Variants in EML6 observed in about 807,000 individuals in gnomAD.
EML6 encodes EMAP like 6, also known as echinoderm microtubule-associated protein-like 6.
In EML6, 154 loss-of-function variants were observed where a neutral mutation model predicts 240.1. The observed-to-expected ratio is 0.64, with a 90% CI of 0.56 to 0.73. The LOEUF (loss-of-function observed/expected upper bound fraction) is 0.73. Among genes scored for constraint, EML6 ranks in the 30% least tolerant of loss-of-function variants. The pLI is 0.00. For missense variants in EML6, 2,964 were observed against 2,474.6 expected, an observed-to-expected ratio of 1.20 and a Z score of -4.20; for synonymous variants, 1,148 against 899.0, an observed-to-expected ratio of 1.28 and a Z score of -4.95.
intron 21 of EML6, among the ~76,000 whole-genome samples, chr2:54,898,054 T>TG (rs1239014525): frequency 1.3e-5 from 2 of 151,972 alleles, no homozygotes; most frequent in Non-Finnish European, 2.9e-5. Context: ...AAAATAAGGT[T>TG]GGGGGAGGGG....
Position 54,948,873 on chromosome 2 carries a change from C to T in EML6, c.4005-9C>T, listed in dbSNP as rs1162931818. 8 of 1,550,428 alleles carry T rather than the reference C, an allele frequency of 5.2e-6. No individual in the cohort carries two copies. Among genetic ancestry groups the T allele is most frequent in the Middle Eastern group, 1.7e-4 (1 of 5,990 alleles). ...ATGCTGTGCTTCCTCTGGCCGCTCT[C>T]TCTTCCAGACCACCCGTTAGCCGAG... On this transcript the variant is annotated splice_polypyrimidine_tract_variant and intron_variant, in intron 28 of 41. Transcript: ENST00000356458.
chr2:54,836,444 C>G (rs763575824), intron 7 of EML6, among the ~76,000 whole-genome samples: 2 of 152,166 alleles, frequency 1.3e-5, no homozygotes, highest in Non-Finnish European at 2.9e-5. Flanking sequence ...AGAAATCTTT[C>G]CTATGAATTC....
intron 2 of EML6, among the ~76,000 whole-genome samples, chr2:54,808,610 G>C (rs1670622127): frequency 6.6e-6 from 1 of 152,090 alleles, no homozygotes. Flanking sequence ...ATGAAATGAG[G>C]CTTAAGAATT....
At chr2:54,908,390 T>G (rs969650880) in intron 24 of EML6, among the ~76,000 whole-genome samples, 1 of 152,058 alleles carries the variant, frequency 6.6e-6, no homozygotes, top group Non-Finnish European at 1.5e-5. Context: ...TTTTTCTGTA[T>G]TTTTAGTAGA....
intron 2 of EML6, among the ~76,000 whole-genome samples, chr2:54,812,844 A>G (rs1391471101): frequency 6.6e-6 from 1 of 152,204 alleles, no homozygotes. Context: ...ACCTTCCCCT[A>G]GTAACAACAT....
intron 2 of EML6, among the ~76,000 whole-genome samples, chr2:54,728,953 CTCTG>C (rs1273646279): frequency 1.3e-5 from 2 of 152,186 alleles, no homozygotes; most frequent in East Asian, 1.9e-4. Context: ...GCTGGCCCTT[CTCTG>C]TCTGTCCAGC....
chr2:54,965,286 C>G (rs1676698545), intron 38 of EML6, among the ~76,000 whole-genome samples: 1 of 152,116 alleles, frequency 6.6e-6, no homozygotes, highest in South Asian at 2.1e-4. Flanking sequence ...TGTGAGCTGG[C>G]CTGGAGCTGG....
intron 11 of EML6, among the ~76,000 whole-genome samples, chr2:54,854,482 C>T (rs1294190086): frequency 2.0e-5 from 3 of 152,230 alleles, no homozygotes; most frequent in African/African-American, 7.2e-5. Flanking sequence ...GTAATGACCT[C>T]TTCTTCCTTT....
chr2:54,787,002 G>A (rs1158071836), intron 2 of EML6, among the ~76,000 whole-genome samples: 1 of 152,178 alleles, frequency 6.6e-6, no homozygotes, highest in Non-Finnish European at 1.5e-5. Flanking sequence ...GGGAAGAGTG[G>A]GGCAGGGAGA....
intron 5 of EML6, among the ~76,000 whole-genome samples, chr2:54,823,411 T>C (rs143294225): frequency 4.6e-5 from 7 of 152,110 alleles, no homozygotes; most frequent in Admixed American, 1.3e-4. Context: ...GCTCATGATA[T>C]GTTCCAAGAT....
chr2:54,948,970 A>G lies in EML6; in HGVS notation c.4083+10A>G. 1 of 1,538,362 alleles carries G rather than the reference A, an allele frequency of 6.5e-7. No individual in the cohort carries two copies. ...AAAGAAACTGGTTGAGGTGAGTTAA[A>G]CAATCACTTGTAGTCTGATATTGAC... On this transcript the variant is annotated intron_variant, in intron 29 of 41. Transcript: ENST00000356458.
intron 24 of EML6, 65 bp downstream of exon 24, chr2:54,903,567 T>C: frequency 7.0e-7 from 1 of 1,429,342 alleles, no homozygotes; most frequent in Non-Finnish European, 9.4e-7. Flanking sequence ...TTATGCATTG[T>C]TTCTAGAGAG....
chr2:54,843,988 G>A lies in EML6; in HGVS notation c.848-59G>A, dbSNP rs573833030. ...TTTGTGTGTGTGTGTGTGTGTGTGT[G>A]TGTGTGTGTGTGTGTGAATAGTGTG... is the stretch of plus-strand genomic sequence containing the variant. On this transcript the variant is annotated intron_variant, in intron 7 of 41. Coordinates refer to ENST00000356458, the MANE Select transcript of EML6 (RefSeq NM_001039753.4). The A allele has an allele frequency of 2.9e-6, 3 of 1,049,172 alleles. No homozygotes were observed. In the Middle Eastern group the frequency reaches 6.1e-4, roughly 215 times the overall value. The allele number at this position is 1,049,172 out of a possible 1,614,324, so 65.0% of individuals were successfully genotyped here.
At chr2:54,763,392 A>T (rs72806702) in intron 2 of EML6, among the ~76,000 whole-genome samples, 31,497 of 152,140 alleles carry the variant, frequency 0.21, 3,656 homozygotes, top group Middle Eastern at 0.31. Context: ...TTCTCCCTCT[A>T]TTCTTGTTGA....
In EML6 at chr2:54,844,130, C is replaced by G; in HGVS notation, c.931C>G (p.Arg311Gly). The change falls in exon 8 of 42, where the codon CGA becomes GGA. Residue 311 changes from arginine (R) to glycine (G), a missense_variant. Physicochemically the swap from Arg to Gly is moderately radical, Grantham distance 125. Transcript: ENST00000356458. ...CAGTGAGATATTTGAAGTGATTGTGCGAGAGCGAGACAAGCCGATGTTGAT... is the reference window on the plus strand; with the variant it reads ...CAGTGAGATATTTGAAGTGATTGTGGGAGAGCGAGACAAGCCGATGTTGAT... The part of the protein sequence containing the change: ...QDSEIFEVIV[R>G]ERDKPMLILQ... The G allele has an allele frequency of 6.4e-7, 1 of 1,551,520 alleles. No homozygotes were observed. Among genetic ancestry groups the G allele is most frequent in the Non-Finnish European group, 8.7e-7 (1 of 1,146,938 alleles).
At chr2:54,938,581 C>A (rs1231037075) in intron 28 of EML6, among the ~76,000 whole-genome samples, 2 of 152,188 alleles carry the variant, frequency 1.3e-5, no homozygotes, top group African/African-American at 4.8e-5. Context: ...ACATGCCTAC[C>A]AGCTCCCACA....
chr2:54,755,763 C>T (rs1014621359), intron 2 of EML6, among the ~76,000 whole-genome samples: 10 of 152,090 alleles, frequency 6.6e-5, no homozygotes, highest in East Asian at 1.9e-4. Flanking sequence ...CAGGCTCAAG[C>T]GATCCTCCCA....
chr2:54,754,285 C>T (rs900301559), intron 2 of EML6, among the ~76,000 whole-genome samples: 2 of 152,208 alleles, frequency 1.3e-5, no homozygotes, highest in East Asian at 3.9e-4. Flanking sequence ...TCTTGAAAAT[C>T]TGACCACTAG....
chr2:54,794,021 A>G (rs893468933), intron 2 of EML6, among the ~76,000 whole-genome samples: 15 of 152,232 alleles, frequency 9.9e-5, no homozygotes, highest in Admixed American at 4.6e-4. Context: ...TCTAATAAAC[A>G]TGAAAACTGA....
Sources: allele counts gnomAD v4.1 joint callset (sites outside exome capture counted in the v4.1 genomes callset), GRCh38; gene constraint gnomAD v4.1.1; transcripts MANE v1.5; gene names NCBI Gene and HGNC (gene_info 2026-07-23, HGNC 2026-07-21).